Variants in BANK1 observed in about 807,000 individuals in gnomAD.
BANK1 encodes B cell scaffold protein with ankyrin repeats 1.
Under a neutral mutation model 94.5 loss-of-function variants are expected in BANK1, and 95 were observed. The observed-to-expected ratio is 1.00, with a 90% confidence interval of 0.85 to 1.19. The LOEUF is 1.19. Among genes scored for constraint, BANK1 ranks in the 50% most tolerant of loss-of-function variants. The pLI is 0.00. For synonymous variants in BANK1, 334 were observed against 308.4 expected (o/e 1.08, Z -0.87); for missense variants, 987 against 932.2 (o/e 1.06, Z -0.77).
intron 7 of BANK1, among the ~76,000 whole-genome samples, chr4:101,978,068 A>G (rs754484756): frequency 2.6e-4 from 39 of 152,098 alleles, no homozygotes; most frequent in Non-Finnish European, 4.4e-5. Context: ...GGTTCAAGCA[A>G]TTCTCCTGCC....
chr4:101,994,263 A>C (rs1037879168), intron 7 of BANK1, among the ~76,000 whole-genome samples: 1 of 152,202 alleles, frequency 6.6e-6, no homozygotes, highest in Non-Finnish European at 1.5e-5. Flanking sequence ...TGCAGTGTAC[A>C]GTATTTAGAG....
At chr4:102,069,218 G>A (rs1728682072) in intron 13 of BANK1, among the ~76,000 whole-genome samples, 1 of 152,190 alleles carries the variant, frequency 6.6e-6, no homozygotes, top group Non-Finnish European at 1.5e-5. Context: ...ATTACAGAGA[G>A]ATAAATATGG....
intron 4 of BANK1, among the ~76,000 whole-genome samples, chr4:101,869,406 A>G (rs1191720248): frequency 6.6e-6 from 1 of 151,858 alleles, no homozygotes; most frequent in African/African-American, 2.4e-5. Context: ...TATTGGATGG[A>G]TACTTCTTTG....
intron 2 of BANK1, among the ~76,000 whole-genome samples, chr4:101,834,168 G>A (rs556212414): frequency 2.6e-5 from 4 of 152,050 alleles, no homozygotes; most frequent in Admixed American, 1.3e-4. Context: ...AGTATTTTTA[G>A]GTGGATATGA....
intron 1 of BANK1, among the ~76,000 whole-genome samples, chr4:101,817,569 C>G (rs1578334134): frequency 6.6e-6 from 1 of 152,238 alleles, no homozygotes; most frequent in East Asian, 1.9e-4. Flanking sequence ...GGAAGAATAA[C>G]TAATGGATGC....
chr4:101,791,045 C>A, intron 1 of BANK1, 95 bp downstream of exon 1: 6 of 1,022,090 alleles, frequency 5.9e-6, no homozygotes, highest in Non-Finnish European at 8.2e-6. Flanking sequence ...TGCACTCGGG[C>A]ACTGAGGCCA....
intron 13 of BANK1, among the ~76,000 whole-genome samples, chr4:102,069,864 A>G (rs1728702653): frequency 6.6e-6 from 1 of 152,210 alleles, no homozygotes; most frequent in Non-Finnish European, 1.5e-5. Context: ...ATAACAGATA[A>G]AAAGGATGGA....
At chr4:101,797,171 C>G (rs1402967851) in intron 1 of BANK1, among the ~76,000 whole-genome samples, 2 of 152,084 alleles carry the variant, frequency 1.3e-5, no homozygotes. Context: ...TGTGTTCTTG[C>G]TAAACTTCAG....
intron 7 of BANK1, among the ~76,000 whole-genome samples, chr4:101,919,095 C>A (rs886905255): frequency 1.3e-5 from 2 of 151,888 alleles, no homozygotes; most frequent in African/African-American, 2.4e-5. Flanking sequence ...CATTCATTTT[C>A]ATAATTGTTC....
chr4:102,057,978 T>G (rs1303888334), intron 11 of BANK1, among the ~76,000 whole-genome samples: 4 of 152,174 alleles, frequency 2.6e-5, no homozygotes, highest in African/African-American at 9.6e-5. Context: ...CTGCTAAAAT[T>G]TTAACGTGTA....
At chr4:101,903,042 T>G (rs1306087221) in intron 6 of BANK1, among the ~76,000 whole-genome samples, 1 of 152,214 alleles carries the variant, frequency 6.6e-6, no homozygotes, top group Admixed American at 6.5e-5. Context: ...TAAAAAGAAG[T>G]GAATACCTTA....
intron 5 of BANK1, among the ~76,000 whole-genome samples, chr4:101,874,287 G>A (rs920022587): frequency 1.3e-5 from 2 of 152,104 alleles, no homozygotes; most frequent in African/African-American, 4.8e-5. Context: ...AACTCTCATC[G>A]TGAAGAACTT....
chr4:101,895,355 G>T lies in BANK1; in HGVS notation c.954G>T (p.Glu318Asp). The T allele has an allele frequency of 6.3e-7, 1 of 1,594,898 alleles. No homozygotes were observed. Among genetic ancestry groups the T allele is most frequent in the Non-Finnish European group, 8.5e-7 (1 of 1,171,096 alleles). The change falls in exon 6 of 17, where the codon GAG becomes GAT. Residue 318 changes from glutamate (E) to aspartate (D), a missense_variant. Coordinates refer to ENST00000322953, the MANE Select transcript of BANK1 (RefSeq NM_017935.5). ...TCCTTACATCCATATTCAAACATGA[G>T]ATACCATATTATGAGTTCCAGTCTC... ...DGVLTSIFKH[E>D]IPYYEFQSLQ... is the part of the protein sequence containing the mutation.
chr4:101,824,050 C>A (rs1726274204), intron 1 of BANK1, among the ~76,000 whole-genome samples: 1 of 152,202 alleles, frequency 6.6e-6, no homozygotes, highest in Non-Finnish European at 1.5e-5. Flanking sequence ...CGAGGAGTTA[C>A]AATTCAATAC....
intron 10 of BANK1, among the ~76,000 whole-genome samples, chr4:102,039,787 A>G (rs1727646165): frequency 6.6e-6 from 1 of 152,068 alleles, no homozygotes; most frequent in African/African-American, 2.4e-5. Context: ...TTGGTGAAAA[A>G]TAAACACACT....
chr4:101,812,335 CTTCAAG>C (rs749134953), intron 1 of BANK1, among the ~76,000 whole-genome samples: 15 of 151,904 alleles, frequency 9.9e-5, no homozygotes, highest in South Asian at 2.1e-4. Context: ...AAAGGAATAT[CTTCAAG>C]TTCAAGTGGT....
At chr4:102,053,287 C>A (rs907915741) in intron 11 of BANK1, among the ~76,000 whole-genome samples, 1 of 152,094 alleles carries the variant, frequency 6.6e-6, no homozygotes, top group East Asian at 1.9e-4. Context: ...CACTATGAGA[C>A]AGGAAAAAGT....
At chr4:101,833,171 G>C (rs1473119540) in intron 2 of BANK1, among the ~76,000 whole-genome samples, 1 of 152,052 alleles carries the variant, frequency 6.6e-6, no homozygotes, top group Non-Finnish European at 1.5e-5. Flanking sequence ...TAGAGATTCG[G>C]TTTCTCCATG....
chr4:101,845,251 T>TC lies in BANK1; in HGVS notation c.470-9784_470-9783insC, dbSNP rs1222567920. ...ACTATGTACCAACAAAAGTTAAAAA[T>TC]TAAAAAATTAAAAAAGATACTACAT... is the stretch of plus-strand genomic sequence containing the variant. On this transcript the variant is annotated intron_variant, in intron 2 of 16. Coordinates refer to ENST00000322953, the MANE Select transcript of BANK1 (RefSeq NM_017935.5). 2.6e-5 allele frequency among the ~76,000 whole-genome samples: 4 copies of TC among 152,062 alleles called. No individual in the cohort carries two copies. The East Asian group carries it at 7.7e-4, about 29-fold the overall frequency.
Sources: gnomAD v4.1 joint callset for allele counts (sites outside exome capture counted in the v4.1 genomes callset) on GRCh38, gnomAD v4.1.1 for gene constraint, MANE v1.5 for transcripts, NCBI Gene and HGNC (gene_info 2026-07-23, HGNC 2026-07-21) for gene names.